Variants in MROH9 observed in about 807,000 individuals in gnomAD.
MROH9 encodes maestro heat like repeat family member 9, also known as maestro heat-like repeat-containing protein family member 9.
Under a neutral mutation model 98.2 loss-of-function variants are expected in MROH9, and 92 were observed. The observed-to-expected ratio is 0.94, with a 90% confidence interval of 0.79 to 1.11. MROH9 has a LOEUF of 1.11. Among genes scored for constraint, MROH9 ranks in the 50% most tolerant of loss-of-function variants. MROH9 has a pLI of 0.00. For synonymous variants in MROH9, 397 were observed against 368.9 expected (o/e 1.08, Z -0.87); for missense variants, 1,057 against 1,014.8 (o/e 1.04, Z -0.57).
intron 2 of MROH9, among the ~76,000 whole-genome samples, chr1:170,946,239 C>T (rs1649327148): frequency 6.6e-6 from 1 of 151,738 alleles, no homozygotes; most frequent in African/African-American, 2.4e-5. Flanking sequence ...GGCATTCACT[C>T]TGTAATATTT....
intron 20 of MROH9, among the ~76,000 whole-genome samples, chr1:171,042,466 T>C (rs1653339426): frequency 6.6e-6 from 1 of 152,154 alleles, no homozygotes; most frequent in Non-Finnish European, 1.5e-5. Context: ...CAGATATATC[T>C]TTGATAGACT....
intron 3 of MROH9, 32 bp from the exon 4 acceptor site, chr1:170,958,429 C>CTTCTTTT: frequency 4.0e-6 from 4 of 990,462 alleles, no homozygotes; most frequent in South Asian, 1.8e-5. Context: ...ATTAATTCTT[C>CTTCTTTT]TTTTTTTTTT....
Position 170,937,724 on chromosome 1 carries a change from CG to C in MROH9, c.-38+2138del, listed in dbSNP as rs1175167162. ...ATTTTTAGTAGAGACGGGGTTTCAC[CG>C]TTTTAGCCGGGATGGTCTCGATCTC... On this transcript the variant is annotated intron_variant, in intron 1 of 21. Transcript: ENST00000367759. Among the ~76,000 whole-genome samples the C allele has an allele frequency of 4.6e-5, 7 of 151,830 alleles. No homozygotes were observed. The East Asian group carries it at 1.4e-3, about 29-fold the overall frequency.
At chr1:170,960,898 G>A (rs1482315463) in intron 5 of MROH9, among the ~76,000 whole-genome samples, 1 of 152,128 alleles carries the variant, frequency 6.6e-6, no homozygotes, top group African/African-American at 2.4e-5. Flanking sequence ...CAAATTGCTG[G>A]GATTATAGGT....
chr1:170,995,473 CTT>C lies in MROH9; in HGVS notation c.1280_1281del (p.Leu427HisfsTer9). 6.2e-7 allele frequency: 1 copy of C among 1,613,392 alleles called. No individual in the cohort carries two copies. The highest frequency in any genetic ancestry group is 1.3e-5 in the African/African-American group (1 of 74,984). On this transcript the variant is annotated frameshift_variant, in exon 13 of 22. Transcript: ENST00000367759. LOFTEE classifies it high-confidence loss of function. ...GTATTTCCCCCAGCTCTTGACGACT[CTT>C]ATGTTCCAAGTCTTCTACAACAGTG... Reference protein sequence around the residue: ...AQYFPQLLTTLMFQVFYNSEL... With the variant: ...AQYFPQLLTTXMFQVFYNSEL...
chr1:170,938,560 G>A (rs1648990262), intron 1 of MROH9, among the ~76,000 whole-genome samples: 1 of 152,214 alleles, frequency 6.6e-6, no homozygotes. Context: ...GGTAAGACTA[G>A]TGAATTCCAT....
intron 7 of MROH9, among the ~76,000 whole-genome samples, chr1:170,969,759 A>G (rs1650369333): frequency 3.3e-5 from 5 of 152,360 alleles, no homozygotes; most frequent in Admixed American, 2.6e-4. Context: ...ACTTAGGTTT[A>G]GGAGTGAATA....
intron 8 of MROH9, among the ~76,000 whole-genome samples, chr1:170,977,077 C>A (rs567199225): frequency 6.6e-6 from 1 of 152,134 alleles, no homozygotes; most frequent in South Asian, 2.1e-4. Flanking sequence ...GTGTGTTTTT[C>A]AGCTCTATCA....
At chr1:171,009,311 GATAAT>G (rs1652067384) in intron 15 of MROH9, among the ~76,000 whole-genome samples, 1 of 152,030 alleles carries the variant, frequency 6.6e-6, no homozygotes, top group African/African-American at 2.4e-5. Context: ...TAACCACACA[GATAAT>G]ATAATTACTC....
chr1:170,987,327 C>T (rs1442962422), intron 10 of MROH9, among the ~76,000 whole-genome samples: 1 of 152,158 alleles, frequency 6.6e-6, no homozygotes, highest in African/African-American at 2.4e-5. Flanking sequence ...TTGAAATCCC[C>T]TGTGTATCCC....
At chr1:170,947,916 GA>G (rs963676813) in intron 3 of MROH9, among the ~76,000 whole-genome samples, 1 of 151,846 alleles carries the variant, frequency 6.6e-6, no homozygotes, top group Admixed American at 6.6e-5. Context: ...CATCACTGTG[GA>G]AACCCTTCCC....
chr1:170,979,011 T>C (rs1266492448), intron 8 of MROH9, among the ~76,000 whole-genome samples: 1 of 152,192 alleles, frequency 6.6e-6, no homozygotes, highest in Non-Finnish European at 1.5e-5. Context: ...GGAGAACCTG[T>C]TCAGTGAAAG....
At position 171,013,760 on chromosome 1, in the gene MROH9, A is replaced by G. The variant is rs1652236895; in HGVS notation, c.1597-357A>G. ...TGGCCTGTAGTGGGTATCACCTCTTAGCATATGTAGACATACACTGTGAAG... is the reference window on the plus strand; with the variant it reads ...TGGCCTGTAGTGGGTATCACCTCTTGGCATATGTAGACATACACTGTGAAG... On this transcript the variant is annotated intron_variant, in intron 15 of 21. Coordinates refer to ENST00000367759, the MANE Select transcript of MROH9 (RefSeq NM_001163629.2). Among the ~76,000 whole-genome samples the G allele has an allele frequency of 7.2e-5, 11 of 152,172 alleles. No homozygotes were observed. The South Asian group carries it at 2.3e-3, about 32-fold the overall frequency.
In MROH9 at chr1:170,958,582, G is replaced by A. The variant is rs60445272; in HGVS notation, c.152+42G>A. The A allele has an allele frequency of 7.2e-6, 9 of 1,248,444 alleles. No individual in the cohort carries two copies. In the African/African-American group the frequency reaches 2.1e-4, roughly 29 times the overall value. The allele number at this position is 1,248,444 out of a possible 1,614,324, so 77.3% of individuals were successfully genotyped here. ...TGCTCTTTTATTTCACTAATTGGAT[G>A]CATTTAAAATGTTATATCTTTAAAA... is the stretch of plus-strand genomic sequence containing the variant. On this transcript the variant is annotated intron_variant, in intron 4 of 21. Transcript: ENST00000367759.
chr1:171,030,832 G>A (rs917821439), intron 20 of MROH9, among the ~76,000 whole-genome samples: 1 of 152,078 alleles, frequency 6.6e-6, no homozygotes, highest in African/African-American at 2.4e-5. Flanking sequence ...TTCAAGTCCT[G>A]AATATCTTTA....
At chr1:171,046,817 G>A (rs2101864427) in intron 20 of MROH9, among the ~76,000 whole-genome samples, 1 of 152,178 alleles carries the variant, frequency 6.6e-6, no homozygotes. Flanking sequence ...TTCTGATTGA[G>A]TTACTCCCTT....
chr1:171,052,849 AC>A (rs1299093305), intron 20 of MROH9, among the ~76,000 whole-genome samples: 2 of 152,132 alleles, frequency 1.3e-5, no homozygotes, highest in African/African-American at 4.8e-5. Context: ...GCCTGAAAAT[AC>A]GCCTTAGTAG....
rs148378467 is a variant in MROH9 at position 170,986,813 on chromosome 1, T to C, written c.879+103T>C. ...TTCTTTTTATATGTATTTCTTGTCA[T>C]TGTTCATTATATGACTTCAATATAA... On this transcript the variant is annotated intron_variant, in intron 10 of 21. Transcript: ENST00000367759. 7.4e-4 allele frequency: 943 copies of C among 1,267,168 alleles called. 8 individuals carry two copies. In the African/African-American group the frequency reaches 0.011, roughly 15 times the overall value. The allele number at this position is 1,267,168 out of a possible 1,614,324, so 78.5% of individuals were successfully genotyped here. A position where few individuals can be genotyped will look rare whatever the true frequency, so the allele number is the denominator to read the frequency against.
At chr1:171,049,370 AGTGAGGGAGAACACAGCAGTT>A (rs1048865496) in intron 20 of MROH9, among the ~76,000 whole-genome samples, 3 of 152,256 alleles carry the variant, frequency 2.0e-5, no homozygotes, top group Admixed American at 6.5e-5. Flanking sequence ...CTGGGTGCCG[AGTGAGGGAGAACACAGCAGTT>A]GTGAGGGAGA....
Sources: allele counts gnomAD v4.1 joint callset (sites outside exome capture counted in the v4.1 genomes callset), GRCh38; gene constraint gnomAD v4.1.1; transcripts MANE v1.5; gene names NCBI Gene and HGNC (gene_info 2026-07-23, HGNC 2026-07-21).